TMBIM4: variants seen among roughly 807,000 people sequenced by gnomAD.
TMBIM4 encodes protein lifeguard 4.
Under a neutral mutation model 27.7 loss-of-function variants are expected in TMBIM4, and 28 were observed. The observed-to-expected ratio is 1.01, with a 90% CI of 0.75 to 1.38. The LOEUF (loss-of-function observed/expected upper bound fraction) is 1.38. Ranked by LOEUF, TMBIM4 falls within the 40% of genes most tolerant of loss-of-function variation. The probability of loss-of-function intolerance (pLI) is 0.00; values close to 1 mark genes in which losing one functional copy is unlikely to be tolerated. For missense variants in TMBIM4, 265 were observed against 277.5 expected (o/e 0.95, Z 0.32); for synonymous variants, 115 against 113.1 (o/e 1.02, Z -0.11).
intron 5 of TMBIM4, among the ~76,000 whole-genome samples, chr12:66,142,501 T>TA (rs975419769): frequency 1.3e-5 from 2 of 151,264 alleles, no homozygotes; most frequent in Admixed American, 1.3e-4. Flanking sequence ...GTAATAACAG[T>TA]AGTATCAGCA....
intron 5 of TMBIM4, among the ~76,000 whole-genome samples, chr12:66,143,287 T>G (rs1203423710): frequency 6.6e-6 from 1 of 152,170 alleles, no homozygotes; most frequent in African/African-American, 2.4e-5. Flanking sequence ...ATAGTGCTGA[T>G]TTTGCTATTC....
At chr12:66,164,754 G>T (rs963695854) in intron 1 of TMBIM4, among the ~76,000 whole-genome samples, 3 of 152,038 alleles carry the variant, frequency 2.0e-5, no homozygotes, top group African/African-American at 7.2e-5. Flanking sequence ...AATTGGGCAA[G>T]AAAAAGAAAT....
intron 3 of TMBIM4, 26 bp downstream of exon 3, chr12:66,152,245 G>T: frequency 7.2e-7 from 1 of 1,379,466 alleles, no homozygotes; most frequent in Non-Finnish European, 1.0e-6. Context: ...AATTGTTAAG[G>T]GAATAGAGAA....
intron 1 of TMBIM4, among the ~76,000 whole-genome samples, chr12:66,167,869 A>G (rs1025530498): frequency 2.0e-5 from 3 of 152,192 alleles, no homozygotes; most frequent in Admixed American, 1.3e-4. Context: ...ATGTCCATCA[A>G]TGGATGAATA....
At chr12:66,155,458 G>A (rs187926921) in intron 1 of TMBIM4, among the ~76,000 whole-genome samples, 1 of 151,682 alleles carries the variant, frequency 6.6e-6, no homozygotes, top group Non-Finnish European at 1.5e-5. Flanking sequence ...TCCTAACTCA[G>A]CCTGCCCAGT....
chr12:66,139,045 A>G (rs561770425), intron 5 of TMBIM4: 27 of 263,252 alleles, frequency 1.0e-4, no homozygotes, highest in African/African-American at 5.7e-4. Context: ...TAAAATACAG[A>G]TAAAAGCAGA....
chr12:66,139,827 C>T (rs912881281), intron 5 of TMBIM4: 1 of 453,310 alleles, frequency 2.2e-6, no homozygotes, highest in African/African-American at 2.0e-5. Context: ...AGAGTTCACA[C>T]AGGACTGGGA....
At chr12:66,153,559 TTCC>T (rs1361989540) in intron 1 of TMBIM4, 111 bp from the exon 2 acceptor site, 5 of 534,748 alleles carry the variant, frequency 9.4e-6, no homozygotes, top group South Asian at 5.5e-5. Context: ...TTTCCTAATT[TTCC>T]TCCTAATAAT....
Position 66,138,002 on chromosome 12 carries a change from G to T in TMBIM4, c.675C>A (p.Phe225Leu), listed in dbSNP as rs1261654313. 1.9e-6 allele frequency: 3 copies of T among 1,613,950 alleles called. 1 individual carries two copies. In the South Asian group the frequency reaches 3.3e-5, roughly 18 times the overall value. ...CTTCCAGAAACCGTAACAGGTGCAG[G>T]AATAGATTGATGATATCCAAGTAGA... ...ISLYLDIINL[F>L]LHLLRFLEAV... The change falls in exon 7 of 7, where the codon TTC (phenylalanine) becomes TTA (leucine). Residue 225 changes from phenylalanine (F) to leucine (L), a missense_variant. Coordinates refer to ENST00000358230, the MANE Select transcript of TMBIM4 (RefSeq NM_016056.4).
At chr12:66,145,372 A>G (rs2051734668) in intron 5 of TMBIM4, 1 of 152,332 alleles carries the variant, frequency 6.6e-6, no homozygotes, top group Admixed American at 6.5e-5. Context: ...CTAATATAAA[A>G]AGGATCATTC....
chr12:66,164,384 T>TAC (rs1213937469), intron 1 of TMBIM4, among the ~76,000 whole-genome samples: 1 of 152,194 alleles, frequency 6.6e-6, no homozygotes, highest in African/African-American at 2.4e-5. Context: ...AGGGCTTATA[T>TAC]ACCAGAGGGA....
In TMBIM4 at chr12:66,137,330, T is replaced by C. The variant is rs1565780138; in HGVS notation, c.*630A>G. 6.6e-6 allele frequency: 1 copy of C among 152,210 alleles called. No homozygotes were observed. Among genetic ancestry groups the C allele is most frequent in the South Asian group, 2.1e-4 (1 of 4,836 alleles). The allele number at this position is 152,210 out of a possible 1,614,324, so 9.4% of individuals were successfully genotyped here. The stretch of plus-strand genomic sequence containing the variant: ...ACTAGACAACGGTAAACTGATATTC[T>C]TATCTACTCATAAAATTATTTTTGA... On this transcript the variant is annotated 3_prime_UTR_variant, in exon 7 of 7. Coordinates refer to ENST00000358230, the MANE Select transcript of TMBIM4 (RefSeq NM_016056.4).
intron 3 of TMBIM4, among the ~76,000 whole-genome samples, chr12:66,150,136 G>T (rs1291330877): frequency 6.6e-6 from 1 of 152,202 alleles, no homozygotes; most frequent in African/African-American, 2.4e-5. Context: ...CTGGGCAAAA[G>T]TTGAACCACA....
At chr12:66,166,384 G>C (rs1227895666) in intron 1 of TMBIM4, among the ~76,000 whole-genome samples, 1 of 150,162 alleles carries the variant, frequency 6.7e-6, no homozygotes, top group African/African-American at 2.5e-5. Context: ...AGGATCACTT[G>C]AGCCTGGGAC....
chr12:66,139,120 G>A (rs563962517), intron 5 of TMBIM4, among the ~76,000 whole-genome samples: 14 of 152,214 alleles, frequency 9.2e-5, no homozygotes, highest in African/African-American at 3.4e-4. Flanking sequence ...ATAAACAAAT[G>A]AACTAGGATT....
At chr12:66,148,051 T>C (rs1267412445) in intron 3 of TMBIM4, 110 bp from the exon 4 acceptor site, 1 of 992,776 alleles carries the variant, frequency 1.0e-6, no homozygotes, top group East Asian at 2.7e-5. Flanking sequence ...TCATTTTAGC[T>C]TCAAAGCAGC....
Position 66,168,182 on chromosome 12 carries a change from C to T in TMBIM4, c.97+1673G>A, listed in dbSNP as rs141240392. Among the ~76,000 whole-genome samples, 204 of 151,002 alleles carry T rather than the reference C, an allele frequency of 1.4e-3. 2 individuals are homozygous for T. The highest frequency in any genetic ancestry group is 5.6e-3 in the South Asian group (27 of 4,780). On this transcript the variant is annotated intron_variant, in intron 1 of 6. Coordinates refer to ENST00000358230, the MANE Select transcript of TMBIM4 (RefSeq NM_016056.4). ...GCTGCAGTGAGCAGTGATCTCACCA[C>T]TGCACTCCAGCCTCGGTGGCAAAGC...
chr12:66,167,234 G>A (rs1458907093), intron 1 of TMBIM4, among the ~76,000 whole-genome samples: 3 of 152,154 alleles, frequency 2.0e-5, no homozygotes, highest in Admixed American at 6.5e-5. Flanking sequence ...CACTAAGAGC[G>A]AACCTTAACG....
At chr12:66,163,594 G>GAAGGT (rs1294528255) in intron 1 of TMBIM4, among the ~76,000 whole-genome samples, 2 of 152,180 alleles carry the variant, frequency 1.3e-5, no homozygotes. Context: ...AGAACAGCAT[G>GAAGGT]AAGGTAACTG....
Sources: allele counts gnomAD v4.1 joint callset (sites outside exome capture counted in the v4.1 genomes callset), GRCh38; gene constraint gnomAD v4.1.1; transcripts MANE v1.5; gene names NCBI Gene and HGNC (gene_info 2026-07-23, HGNC 2026-07-21).